ERCC6L2: variants seen among roughly 807,000 people sequenced by gnomAD.
The protein encoded by ERCC6L2 is DNA excision repair protein ERCC-6-like 2.
Under a neutral mutation model 132.0 loss-of-function variants are expected in ERCC6L2, and 77 were observed. The observed-to-expected ratio is 0.58, with a 90% CI of 0.49 to 0.71. The LOEUF is 0.71. ERCC6L2 is among the 30% of genes least tolerant of loss of function. The pLI is 0.00. For synonymous variants in ERCC6L2, 583 were observed against 632.4 expected, an observed-to-expected ratio of 0.92 and a Z score of 1.17; for missense variants, 1,542 against 1,837.6, an observed-to-expected ratio of 0.84 and a Z score of 2.94.
chr9:95,951,287 A>C (rs1311149748), intron 12 of ERCC6L2, among the ~76,000 whole-genome samples: 1 of 152,166 alleles, frequency 6.6e-6, no homozygotes, highest in Non-Finnish European at 1.5e-5. Flanking sequence ...CACACACCAC[A>C]ACTTACAGGA....
At chr9:95,885,689 A>T (rs1827828013) in intron 2 of ERCC6L2, among the ~76,000 whole-genome samples, 1 of 152,176 alleles carries the variant, frequency 6.6e-6, no homozygotes, top group Admixed American at 6.5e-5. Flanking sequence ...ATAGGAAAAG[A>T]GGTGAGTGGG....
At chr9:95,976,003 G>A (rs73536527) in intron 16 of ERCC6L2, among the ~76,000 whole-genome samples, 2,973 of 152,012 alleles carry the variant, frequency 0.02, 105 homozygotes, top group African/African-American at 0.069. Flanking sequence ...TTCATTGAAG[G>A]GATATTACTC....
chr9:95,924,495 A>T (rs1335922704), intron 9 of ERCC6L2, among the ~76,000 whole-genome samples: 1 of 152,082 alleles, frequency 6.6e-6, no homozygotes, highest in Non-Finnish European at 1.5e-5. Context: ...ATATATAAAA[A>T]GTCCGGTTTA....
chr9:95,966,840 T>A, intron 14 of ERCC6L2, 126 bp downstream of exon 14: 1 of 670,690 alleles, frequency 1.5e-6, no homozygotes, highest in Non-Finnish European at 2.2e-6. Context: ...CAAAAATGCC[T>A]TGGAATTTTT....
chr9:95,933,819 G>C (rs1046531685), intron 11 of ERCC6L2, among the ~76,000 whole-genome samples: 4 of 140,500 alleles, frequency 2.8e-5, no homozygotes, highest in African/African-American at 1.1e-4. Context: ...ACTCCATCCT[G>C]GACAAGACAG....
intron 18 of ERCC6L2, among the ~76,000 whole-genome samples, chr9:96,008,377 A>G (rs1373358617): frequency 1.3e-5 from 2 of 152,036 alleles, no homozygotes. Context: ...GTAAGTTTGG[A>G]GGGGGACTCC....
intron 11 of ERCC6L2, among the ~76,000 whole-genome samples, chr9:95,940,424 T>G (rs1405093982): frequency 6.6e-6 from 1 of 152,110 alleles, no homozygotes; most frequent in African/African-American, 2.4e-5. Context: ...TGTGGTATCT[T>G]AAGCAAAAAA....
chr9:95,978,070 A>G lies in ERCC6L2; in HGVS notation c.3347A>G (p.Gln1116Arg), dbSNP rs961258311. The G allele has an allele frequency of 7.3e-7, 1 of 1,365,314 alleles. No individual in the cohort carries two copies. 84.6% of individuals were successfully genotyped at this position (1,365,314 alleles called of 1,614,324 possible). A position where few individuals can be genotyped will look rare whatever the true frequency, so the allele number is the denominator to read the frequency against. Residue 1116 changes from glutamine (Q) to arginine (R), a missense_variant, in exon 17 of 19, where the codon CAG becomes CGG. By Grantham distance (43) the Gln-to-Arg change is conservative. Around this residue, in one of 4 missense-constraint regions of ERCC6L2, gnomAD observed 442 missense variants for 583.4 expected, o/e 0.76. Coordinates refer to ENST00000653738, the MANE Select transcript of ERCC6L2 (RefSeq NM_020207.7). ...ATAAATTACCTCCTAGATGGCGTTC[A>G]GGAAGTGGCTTATATTCACTCAAAC... Reference protein sequence around the residue: ...ESMDKFLDGVQEVAYIHSNQN... With the variant: ...ESMDKFLDGVREVAYIHSNQN...
intron 17 of ERCC6L2, among the ~76,000 whole-genome samples, chr9:95,983,922 CT>C (rs1832987731): frequency 6.6e-6 from 1 of 152,086 alleles, no homozygotes; most frequent in African/African-American, 2.4e-5. Context: ...CCCTCAATTC[CT>C]TTGGTGTCTA....
At chr9:95,934,211 A>T (rs936175766) in intron 11 of ERCC6L2, among the ~76,000 whole-genome samples, 1 of 152,098 alleles carries the variant, frequency 6.6e-6, no homozygotes, top group African/African-American at 2.4e-5. Context: ...AAAATGTAAA[A>T]ATTTATCATC....
At chr9:95,966,772 A>T in intron 14 of ERCC6L2, 58 bp downstream of exon 14, 1 of 1,304,022 alleles carries the variant, frequency 7.7e-7, no homozygotes, top group Non-Finnish European at 1.0e-6. Flanking sequence ...TTTCTTCCTC[A>T]GGAAATCTGA....
At chr9:95,941,578 C>T (rs763372173) in intron 12 of ERCC6L2, 29 bp downstream of exon 12, 9 of 1,447,778 alleles carry the variant, frequency 6.2e-6, no homozygotes, top group Non-Finnish European at 8.7e-6. Context: ...TTAAAGTGAT[C>T]TGCAAATACT....
At position 95,963,906 on chromosome 9, in the gene ERCC6L2, C is replaced by G. The variant is rs554823907; in HGVS notation, c.1948-2656C>G. On this transcript the variant is annotated intron_variant, in intron 13 of 18. Coordinates refer to ENST00000653738, the MANE Select transcript of ERCC6L2 (RefSeq NM_020207.7). ...CAGTCAGAAGGCACATGGGGGTGACCTGCCCTACTACTGCTCACGTTAACC... is the reference window on the plus strand; with the variant it reads ...CAGTCAGAAGGCACATGGGGGTGACGTGCCCTACTACTGCTCACGTTAACC... 2.6e-5 allele frequency among the ~76,000 whole-genome samples: 4 copies of G among 152,264 alleles called. No homozygotes were observed. In the East Asian group the frequency reaches 5.8e-4, roughly 22 times the overall value.
downstream of ERCC6L2, among the ~76,000 whole-genome samples, chr9:96,018,776 G>A (rs146309481): frequency 4.3e-3 from 659 of 152,032 alleles, 2 homozygotes; most frequent in Middle Eastern, 0.01. Context: ...TTTGCTGCAG[G>A]TTAAACTATG....
chr9:96,023,029 G>A (rs1315352834), downstream of ERCC6L2, among the ~76,000 whole-genome samples: 3 of 152,160 alleles, frequency 2.0e-5, no homozygotes, highest in East Asian at 1.9e-4. Flanking sequence ...GCCTTTGTCC[G>A]GGGAGGCCGG....
At chr9:95,977,158 A>C (rs1832707035) in intron 16 of ERCC6L2, among the ~76,000 whole-genome samples, 1 of 152,208 alleles carries the variant, frequency 6.6e-6, no homozygotes, top group African/African-American at 2.4e-5. Flanking sequence ...CGTGTCATCA[A>C]AATTAAGAAA....
At chr9:95,986,337 C>T (rs879795863) in intron 17 of ERCC6L2, among the ~76,000 whole-genome samples, 51 of 152,112 alleles carry the variant, frequency 3.4e-4, no homozygotes, top group Non-Finnish European at 4.1e-4. Flanking sequence ...GGGATTCAGG[C>T]TCTTTCCTTT....
intron 1 of ERCC6L2, chr9:95,876,303 C>G: frequency 6.2e-6 from 3 of 482,956 alleles, no homozygotes; most frequent in Non-Finnish European, 1.1e-5. Context: ...CTGCCTCTGA[C>G]AGTTACTTGC....
intron 17 of ERCC6L2, among the ~76,000 whole-genome samples, chr9:95,987,702 G>A (rs1588026530): frequency 6.6e-6 from 1 of 152,282 alleles, no homozygotes; most frequent in East Asian, 1.9e-4. Context: ...CTACCATTAT[G>A]GGGCCTGGAG....
Sources: allele counts gnomAD v4.1 joint callset (sites outside exome capture counted in the v4.1 genomes callset), GRCh38; gene constraint gnomAD v4.1.1; regional missense constraint gnomAD v4.1.1; transcripts MANE v1.5; gene names NCBI Gene and HGNC (gene_info 2026-07-23, HGNC 2026-07-21).